GABRG3: variants seen among roughly 807,000 people sequenced by gnomAD.
GABRG3 encodes gamma-aminobutyric acid receptor subunit gamma-3.
Under a neutral mutation model 48.8 loss-of-function variants are expected in GABRG3, and 25 were observed. The observed-to-expected ratio is 0.51, with a 90% confidence interval of 0.37 to 0.72. The LOEUF is 0.72. Ranked by LOEUF, GABRG3 falls within the 30% of genes least tolerant of loss-of-function variation. The probability of loss-of-function intolerance (pLI) is 0.00; values close to 1 mark genes in which losing one functional copy is unlikely to be tolerated. For synonymous variants in GABRG3, 227 were observed against 217.6 expected, an observed-to-expected ratio of 1.04 and a Z score of -0.38; for missense variants, 394 against 577.9, an observed-to-expected ratio of 0.68 and a Z score of 3.26.
chr15:27,139,767 T>C (rs1211923363), intron 3 of GABRG3, among the ~76,000 whole-genome samples: 1 of 152,164 alleles, frequency 6.6e-6, no homozygotes, highest in Non-Finnish European at 1.5e-5. Flanking sequence ...AGCTGACTGA[T>C]GGCTGGCAGT....
intron 5 of GABRG3, among the ~76,000 whole-genome samples, chr15:27,369,806 CAAAAAAAAAAAA>C (rs34901488): frequency 3.3e-4 from 10 of 30,270 alleles, no homozygotes; most frequent in South Asian, 1.6e-3. Flanking sequence ...GACTCCGTCT[CAAAAAAAAAAAA>C]AAAAAAAAAA....
At position 27,308,463 on chromosome 15, in the gene GABRG3, G is replaced by T. The variant is rs541682862; in HGVS notation, c.271-18346G>T. 1.1e-3 allele frequency among the ~76,000 whole-genome samples: 162 copies of T among 145,066 alleles called. 1 individual carries two copies. The highest frequency in any genetic ancestry group is 3.9e-3 in the African/African-American group (153 of 39,448). ...TATATAAACATATGCAAACATACATGTTTATATATAAACATATAATGTAAA... is the reference window on the plus strand; with the variant it reads ...TATATAAACATATGCAAACATACATTTTTATATATAAACATATAATGTAAA... On this transcript the variant is annotated intron_variant, in intron 3 of 9. Transcript: ENST00000615808.
intron 6 of GABRG3, among the ~76,000 whole-genome samples, chr15:27,484,511 C>T (rs879564949): frequency 1.3e-5 from 2 of 152,130 alleles, no homozygotes; most frequent in Non-Finnish European, 2.9e-5. Context: ...GATAGACACA[C>T]GTATATTTCC....
At chr15:27,087,474 T>TG (rs1263197577) in intron 3 of GABRG3, among the ~76,000 whole-genome samples, 5 of 152,302 alleles carry the variant, frequency 3.3e-5, no homozygotes, top group African/African-American at 1.2e-4. Context: ...AGCTGACACT[T>TG]GAAAGTGTGG....
At chr15:26,986,565 G>C (rs183204631) in intron 2 of GABRG3, among the ~76,000 whole-genome samples, 39 of 152,290 alleles carry the variant, frequency 2.6e-4, no homozygotes, top group Non-Finnish European at 5.1e-4. Flanking sequence ...GTAAAGCTCC[G>C]TGTGAGACAG....
intron 3 of GABRG3, among the ~76,000 whole-genome samples, chr15:27,313,409 C>A (rs1893098964): frequency 6.7e-6 from 1 of 148,864 alleles, no homozygotes; most frequent in Non-Finnish European, 1.5e-5. Context: ...CAGCACCCCA[C>A]TTTCAATACT....
At chr15:27,207,786 C>A (rs1888905861) in intron 3 of GABRG3, among the ~76,000 whole-genome samples, 1 of 152,192 alleles carries the variant, frequency 6.6e-6, no homozygotes, top group South Asian at 2.1e-4. Flanking sequence ...CCCCTTACAT[C>A]CCAGGCCTTA....
At chr15:27,080,924 G>A (rs887171774) in intron 3 of GABRG3, among the ~76,000 whole-genome samples, 1 of 152,212 alleles carries the variant, frequency 6.6e-6, no homozygotes, top group African/African-American at 2.4e-5. Flanking sequence ...ATAGAAACCA[G>A]GCAAGCTAGC....
intron 3 of GABRG3, among the ~76,000 whole-genome samples, chr15:27,275,495 G>A (rs1891223080): frequency 6.6e-6 from 1 of 152,154 alleles, no homozygotes; most frequent in African/African-American, 2.4e-5. Context: ...GGAATTGAAT[G>A]GAGAAAATGG....
chr15:27,278,077 A>C (rs1019310441), intron 3 of GABRG3, among the ~76,000 whole-genome samples: 1 of 149,930 alleles, frequency 6.7e-6, no homozygotes, highest in Admixed American at 6.6e-5. Context: ...TTTGAAACGT[A>C]GTCTCACTGT....
At chr15:27,107,308 G>A (rs1897467510) in intron 3 of GABRG3, among the ~76,000 whole-genome samples, 1 of 151,932 alleles carries the variant, frequency 6.6e-6, no homozygotes, top group South Asian at 2.1e-4. Context: ...GCATCAGTGG[G>A]TAGAATCGTA....
At chr15:27,139,674 T>C (rs1004333123) in intron 3 of GABRG3, among the ~76,000 whole-genome samples, 4 of 152,166 alleles carry the variant, frequency 2.6e-5, no homozygotes, top group African/African-American at 4.8e-5. Context: ...ATAAAACATA[T>C]ATTTGGTCTG....
intron 5 of GABRG3, among the ~76,000 whole-genome samples, chr15:27,347,832 C>T (rs1202071912): frequency 6.6e-6 from 1 of 152,112 alleles, no homozygotes; most frequent in Non-Finnish European, 1.5e-5. Flanking sequence ...GCAGCTTCTG[C>T]TCCAGGTAAA....
rs920903581 is a variant in GABRG3 at position 27,011,643 on chromosome 15, C to T, written c.203-15111C>T. Among the ~76,000 whole-genome samples the T allele has an allele frequency of 5.3e-5, 8 of 151,902 alleles. No individual in the cohort carries two copies. In the South Asian group the frequency reaches 6.3e-4, roughly 12 times the overall value. Reference sequence around the variant, plus strand: ...CAGGCGGATCACAAGGTCAGGAGATCGAGACCATCCTGGCTAACACGGTGA... The same window carrying T: ...CAGGCGGATCACAAGGTCAGGAGATTGAGACCATCCTGGCTAACACGGTGA... On this transcript the variant is annotated intron_variant, in intron 2 of 9. Transcript: ENST00000615808.
rs1891319275 is a variant in GABRG3, at chr15:27,527,919, T to G, written c.1063-14T>G. 2 of 1,556,824 alleles carry G rather than the reference T, an allele frequency of 1.3e-6. No individual in the cohort carries two copies. Among genetic ancestry groups the G allele is most frequent in the African/African-American group, 2.7e-5 (2 of 73,714 alleles). On this transcript the variant is annotated splice_polypyrimidine_tract_variant and intron_variant, in intron 8 of 9. Transcript: ENST00000615808. Reference sequence around the variant, plus strand: ...ATGACAGTTTCCTAGTTATTTTTTCTTCTTTTCTTGTAGTTACTACATCCA... The same window carrying G: ...ATGACAGTTTCCTAGTTATTTTTTCGTCTTTTCTTGTAGTTACTACATCCA...
chr15:27,198,982 C>T (rs1416500343), intron 3 of GABRG3, among the ~76,000 whole-genome samples: 2 of 151,756 alleles, frequency 1.3e-5, no homozygotes, highest in Non-Finnish European at 2.9e-5. Context: ...ACATCACACA[C>T]TGGGGCCTTT....
intron 5 of GABRG3, among the ~76,000 whole-genome samples, chr15:27,371,107 C>G (rs1055067690): frequency 6.6e-6 from 1 of 152,064 alleles, no homozygotes; most frequent in African/African-American, 2.4e-5. Flanking sequence ...GCCAGTACAC[C>G]AAGTTCCATT....
At chr15:27,339,328 C>A (rs1035524961) in intron 5 of GABRG3, among the ~76,000 whole-genome samples, 14 of 152,244 alleles carry the variant, frequency 9.2e-5, no homozygotes, top group African/African-American at 3.1e-4. Flanking sequence ...GGGAGCTCTG[C>A]GGCATGTCCA....
intron 3 of GABRG3, among the ~76,000 whole-genome samples, chr15:27,034,200 C>T (rs1368403492): frequency 6.6e-6 from 1 of 152,152 alleles, no homozygotes; most frequent in African/African-American, 2.4e-5. Flanking sequence ...GAAAAGCATA[C>T]AACTGCTCTG....
Sources: allele counts gnomAD v4.1 joint callset (sites outside exome capture counted in the v4.1 genomes callset), GRCh38; gene constraint gnomAD v4.1.1; transcripts MANE v1.5; gene names NCBI Gene and HGNC (gene_info 2026-07-23, HGNC 2026-07-21).